TAB2: variants seen among roughly 807,000 people sequenced by gnomAD.
TAB2 encodes TGF-beta-activated kinase 1 and MAP3K7-binding protein 2.
In TAB2, 3 loss-of-function variants were observed where a neutral mutation model predicts 65.0. That is an observed-to-expected ratio of 0.05 (90% CI 0.02 to 0.12). The LOEUF (loss-of-function observed/expected upper bound fraction) is 0.12, where lower values mean the gene tolerates loss of function less well. TAB2 is among the 10% of genes least tolerant of loss of function. The pLI is 1.00. For missense variants in TAB2, 623 were observed against 840.3 expected, an observed-to-expected ratio of 0.74 and a Z score of 3.20; for synonymous variants, 298 against 285.1, an observed-to-expected ratio of 1.05 and a Z score of -0.46.
At chr6:149,396,775 A>G (rs1331197213) in intron 3 of TAB2, among the ~76,000 whole-genome samples, 1 of 152,268 alleles carries the variant, frequency 6.6e-6, no homozygotes, top group Non-Finnish European at 1.5e-5. Flanking sequence ...TGAATATACA[A>G]AAATATAAGT....
At chr6:149,366,442 A>C (rs914315823) in intron 1 of TAB2, among the ~76,000 whole-genome samples, 1 of 152,116 alleles carries the variant, frequency 6.6e-6, no homozygotes, top group Non-Finnish European at 1.5e-5. Flanking sequence ...TTACTCACTA[A>C]GCTTTCAGCT....
chr6:149,318,273 CG>C (rs3056974), intron 1 of TAB2, among the ~76,000 whole-genome samples: 3 of 145,990 alleles, frequency 2.1e-5, no homozygotes, highest in African/African-American at 2.5e-5. Context: ...GGCGTCCGTG[CG>C]GGGGGGGAGG....
intron 3 of TAB2, among the ~76,000 whole-genome samples, chr6:149,393,788 C>G (rs996094142): frequency 6.6e-6 from 1 of 151,562 alleles, no homozygotes; most frequent in Non-Finnish European, 1.5e-5. Context: ...GCATTTTTTC[C>G]TTTTATCATT....
At chr6:149,232,170 A>C (rs1777417477) in intron 1 of TAB2, among the ~76,000 whole-genome samples, 1 of 152,152 alleles carries the variant, frequency 6.6e-6, no homozygotes, top group African/African-American at 2.4e-5. Flanking sequence ...GGAAGAGGGA[A>C]GAGCACGAGG....
At chr6:149,303,755 T>C (rs535953582) in intron 1 of TAB2, among the ~76,000 whole-genome samples, 1 of 152,360 alleles carries the variant, frequency 6.6e-6, no homozygotes, top group Admixed American at 6.5e-5. Context: ...ATCAATATAT[T>C]CATTTACTTC....
At chr6:149,236,103 G>A (rs183360896) in intron 1 of TAB2, among the ~76,000 whole-genome samples, 2 of 152,290 alleles carry the variant, frequency 1.3e-5, no homozygotes, top group Admixed American at 1.3e-4. Context: ...TGAGAGGGAG[G>A]TGAGGGTTGA....
intron 3 of TAB2, among the ~76,000 whole-genome samples, chr6:149,384,390 AAATT>A (rs1280362434): frequency 6.6e-6 from 1 of 152,232 alleles, no homozygotes; most frequent in Non-Finnish European, 1.5e-5. Context: ...CAAAAGAAGT[AAATT>A]AATGAAACAT....
intron 1 of TAB2, among the ~76,000 whole-genome samples, chr6:149,326,323 G>A (rs911983838): frequency 2.0e-5 from 3 of 149,396 alleles, no homozygotes; most frequent in African/African-American, 7.4e-5. Flanking sequence ...ATTTTATTAA[G>A]TTCATAGGCT....
intron 1 of TAB2, among the ~76,000 whole-genome samples, chr6:149,341,652 T>G (rs529099074): frequency 2.6e-5 from 4 of 152,312 alleles, no homozygotes; most frequent in African/African-American, 9.6e-5. Flanking sequence ...TTCCTTGTCC[T>G]GCAATGTGCC....
At chr6:149,251,425 T>C (rs1343889889) in intron 1 of TAB2, among the ~76,000 whole-genome samples, 1 of 152,158 alleles carries the variant, frequency 6.6e-6, no homozygotes, top group Non-Finnish European at 1.5e-5. Flanking sequence ...AAGAAATAAA[T>C]TGTAGCTCTA....
chr6:149,394,146 T>G (rs562359428), intron 3 of TAB2, among the ~76,000 whole-genome samples: 1 of 152,312 alleles, frequency 6.6e-6, no homozygotes, highest in South Asian at 2.1e-4. Context: ...CTTGGTGTGT[T>G]CAGTTTGGGT....
intron 1 of TAB2, chr6:149,229,968 T>C (rs1011020496): frequency 2.6e-5 from 4 of 152,204 alleles, no homozygotes; most frequent in African/African-American, 4.8e-5. Flanking sequence ...AATCTGGAAA[T>C]ATATTTGAAC....
intron 3 of TAB2, among the ~76,000 whole-genome samples, chr6:149,391,539 G>C (rs1047500824): frequency 5.3e-5 from 8 of 151,804 alleles, no homozygotes; most frequent in African/African-American, 1.7e-4. Flanking sequence ...GTCTTTCTTG[G>C]GGGTATCAGG....
chr6:149,291,219 T>C (rs928141484), intron 1 of TAB2: 11 of 152,198 alleles, frequency 7.2e-5, no homozygotes, highest in African/African-American at 2.7e-4. Flanking sequence ...AGGACATACA[T>C]TTATAATCCA....
At chr6:149,350,202 G>A (rs1780444483) in intron 1 of TAB2, among the ~76,000 whole-genome samples, 2 of 152,082 alleles carry the variant, frequency 1.3e-5, no homozygotes, top group Admixed American at 1.3e-4. Flanking sequence ...AAAGTGCTAG[G>A]ATTACAGACG....
intron 1 of TAB2, among the ~76,000 whole-genome samples, chr6:149,262,012 G>T (rs530645025): frequency 1.5e-4 from 23 of 152,330 alleles, no homozygotes; most frequent in African/African-American, 5.5e-4. Context: ...AGCAGTTCAA[G>T]CTCAGCAAAA....
At chr6:149,248,727 T>C (rs1372347499) in intron 1 of TAB2, among the ~76,000 whole-genome samples, 1 of 152,204 alleles carries the variant, frequency 6.6e-6, no homozygotes, top group Non-Finnish European at 1.5e-5. Context: ...GGAGGTCTGC[T>C]ATAAAGGGAG....
At chr6:149,254,197 A>G (rs1215721481) in intron 1 of TAB2, among the ~76,000 whole-genome samples, 2 of 152,094 alleles carry the variant, frequency 1.3e-5, no homozygotes, top group Non-Finnish European at 2.9e-5. Flanking sequence ...AGTTCTGATG[A>G]CCAAATACGC....
At chr6:149,382,910 T>G (rs1277060454) in intron 3 of TAB2, among the ~76,000 whole-genome samples, 1 of 152,126 alleles carries the variant, frequency 6.6e-6, no homozygotes, top group Non-Finnish European at 1.5e-5. Context: ...TCCCAGCACT[T>G]TGGAAGACCG....
Sources: allele counts gnomAD v4.1 joint callset (sites outside exome capture counted in the v4.1 genomes callset), GRCh38; gene constraint gnomAD v4.1.1; transcripts MANE v1.5; gene names NCBI Gene and HGNC (gene_info 2026-07-23, HGNC 2026-07-21).